The following ARHGAP12 variants were observed in gnomAD, a reference collection of about 807,000 sequenced individuals.
ARHGAP12 encodes Rho GTPase activating protein 12, also known as rho GTPase-activating protein 12.
A neutral mutation model predicts 108.6 loss-of-function variants in ARHGAP12; 64 were observed. The ratio of observed to expected loss-of-function variants is 0.59; its 90% CI spans 0.48 to 0.73. The LOEUF (loss-of-function observed/expected upper bound fraction) is 0.73, where lower values mean the gene tolerates loss of function less well. Among genes scored for constraint, ARHGAP12 ranks in the 30% least tolerant of loss-of-function variants. The probability of loss-of-function intolerance (pLI) is 0.00; values close to 1 mark genes in which losing one functional copy is unlikely to be tolerated. For synonymous variants in ARHGAP12, 312 were observed against 337.2 expected (o/e 0.93, Z 0.82); for missense variants, 940 against 1,005.9 (o/e 0.93, Z 0.89).
intron 1 of ARHGAP12, among the ~76,000 whole-genome samples, chr10:31,928,232 CCCG>C (rs1243508834): frequency 1.3e-5 from 2 of 151,786 alleles, no homozygotes; most frequent in African/African-American, 2.4e-5. Flanking sequence ...CGCGCACACA[CCCG>C]CCTTTTGCAC....
chr10:31,810,321 T>C (rs1350822848), intron 16 of ARHGAP12, among the ~76,000 whole-genome samples: 10 of 152,148 alleles, frequency 6.6e-5, no homozygotes. Flanking sequence ...TTATACATTG[T>C]CAAATTATTT....
At chr10:31,923,220 C>T (rs1839896440) in intron 1 of ARHGAP12, among the ~76,000 whole-genome samples, 1 of 150,386 alleles carries the variant, frequency 6.6e-6, no homozygotes, top group Non-Finnish European at 1.5e-5. Flanking sequence ...GAAAATATGC[C>T]CAACATCTTT....
chr10:31,837,702 T>A (rs1210222453), intron 9 of ARHGAP12, among the ~76,000 whole-genome samples: 6 of 152,134 alleles, frequency 3.9e-5, no homozygotes, highest in African/African-American at 1.4e-4. Flanking sequence ...CAGATTGCAC[T>A]AGGGAATGGA....
rs1392939692 is a variant in ARHGAP12 at position 31,861,550 on chromosome 10, T to C, written c.793A>G (p.Ile265Val). 14 of 1,614,034 alleles carry C rather than the reference T, an allele frequency of 8.7e-6. No individual in the cohort carries two copies. The highest frequency in any genetic ancestry group is 1.3e-5 in the African/African-American group (1 of 74,910). ...GTTTCCCATTCTCCATTAATCTGAA[T>C]TGCCGGGCTCCCAGGAAGTGGGGGA... ...ALPPLPGSPAIQINGEWETHK... is the reference protein window; with the variant it reads ...ALPPLPGSPAVQINGEWETHK... Residue 265 changes from isoleucine (I) to valine (V), a missense_variant, in exon 4 of 20, where the codon ATT becomes GTT. Physicochemically the swap from Ile to Val is conservative, Grantham distance 29. Coordinates refer to ENST00000344936, the MANE Select transcript of ARHGAP12 (RefSeq NM_018287.7).
chr10:31,816,112 T>C lies in ARHGAP12; in HGVS notation c.1731+1676A>G, dbSNP rs1192415113. Among the ~76,000 whole-genome samples, 5 of 150,830 alleles carry C rather than the reference T, an allele frequency of 3.3e-5. No individual in the cohort carries two copies. The East Asian group carries it at 7.9e-4, about 24-fold the overall frequency. On this transcript the variant is annotated intron_variant, in intron 13 of 19. Transcript: ENST00000344936. ...GTTGCCGTGAGCTAAGATCATGCCATTGCACTCCAGCCTGGGTAACAGAGC... is the reference window on the plus strand; with the variant it reads ...GTTGCCGTGAGCTAAGATCATGCCACTGCACTCCAGCCTGGGTAACAGAGC...
intron 9 of ARHGAP12, among the ~76,000 whole-genome samples, chr10:31,836,277 G>A (rs77686435): frequency 6.4e-4 from 98 of 151,990 alleles, no homozygotes; most frequent in African/African-American, 2.3e-3. Context: ...TCAGTAATTG[G>A]GAATTTTAAA....
chr10:31,921,368 G>A (rs967148409), intron 1 of ARHGAP12, among the ~76,000 whole-genome samples: 1 of 152,168 alleles, frequency 6.6e-6, no homozygotes, highest in Non-Finnish European at 1.5e-5. Flanking sequence ...CTGAAGTAGT[G>A]CTCAGACAAA....
intron 11 of ARHGAP12, among the ~76,000 whole-genome samples, chr10:31,824,224 A>T (rs1416554542): frequency 6.6e-6 from 1 of 152,202 alleles, no homozygotes; most frequent in African/African-American, 2.4e-5. Flanking sequence ...TTGACTGTAC[A>T]ACCAAGCATT....
chr10:31,884,324 C>CAA (rs34221433), intron 3 of ARHGAP12, among the ~76,000 whole-genome samples: 1 of 139,072 alleles, frequency 7.2e-6, no homozygotes, highest in African/African-American at 2.6e-5. Context: ...ATCTCCCCTC[C>CAA]AAAAAAAAAA....
intron 15 of ARHGAP12, among the ~76,000 whole-genome samples, chr10:31,811,326 A>G (rs887686975): frequency 2.0e-5 from 3 of 152,202 alleles, no homozygotes; most frequent in African/African-American, 7.2e-5. Context: ...TCCGTCCATC[A>G]CGTACCAACA....
intron 3 of ARHGAP12, among the ~76,000 whole-genome samples, chr10:31,905,092 T>C (rs1839073296): frequency 6.6e-6 from 1 of 152,048 alleles, no homozygotes. Flanking sequence ...GGCTCGAGAC[T>C]GGTTACAGAA....
chr10:31,844,490 T>C (rs1836378622), intron 6 of ARHGAP12, among the ~76,000 whole-genome samples: 1 of 152,112 alleles, frequency 6.6e-6, no homozygotes, highest in African/African-American at 2.4e-5. Flanking sequence ...ATTGATTTGT[T>C]TTCTTTTTAG....
chr10:31,844,557 G>A (rs1328769265), intron 6 of ARHGAP12, among the ~76,000 whole-genome samples: 1 of 152,054 alleles, frequency 6.6e-6, no homozygotes, highest in Non-Finnish European at 1.5e-5. Context: ...TGTTGAGACA[G>A]GGTCCCTCTC....
At chr10:31,824,495 T>G (rs1053440451) in intron 11 of ARHGAP12, among the ~76,000 whole-genome samples, 1 of 152,160 alleles carries the variant, frequency 6.6e-6, no homozygotes, top group Non-Finnish European at 1.5e-5. Flanking sequence ...TAATACAACC[T>G]TGGCTGATAA....
chr10:31,903,210 G>T (rs1297947164), intron 3 of ARHGAP12, among the ~76,000 whole-genome samples: 1 of 152,124 alleles, frequency 6.6e-6, no homozygotes, highest in Non-Finnish European at 1.5e-5. Flanking sequence ...AAGTTAGATG[G>T]TATAGCCTAT....
At chr10:31,870,891 G>A (rs545827774) in intron 3 of ARHGAP12, among the ~76,000 whole-genome samples, 2 of 152,250 alleles carry the variant, frequency 1.3e-5, no homozygotes, top group Admixed American at 1.3e-4. Context: ...TATTTTCATG[G>A]TTTACTTACT....
chr10:31,818,813 G>C (rs1282003697), intron 12 of ARHGAP12, among the ~76,000 whole-genome samples: 32 of 152,100 alleles, frequency 2.1e-4, no homozygotes, highest in Admixed American at 2.1e-3. Flanking sequence ...GGTGCACTGT[G>C]ATTTTCTAAG....
At chr10:31,903,181 T>C (rs1001364968) in intron 3 of ARHGAP12, among the ~76,000 whole-genome samples, 3 of 152,226 alleles carry the variant, frequency 2.0e-5, no homozygotes, top group African/African-American at 7.2e-5. Flanking sequence ...AACGAGATGG[T>C]ATAGCCTACT....
chr10:31,866,296 G>A (rs889354314), intron 3 of ARHGAP12, among the ~76,000 whole-genome samples: 39 of 152,214 alleles, frequency 2.6e-4, no homozygotes, highest in African/African-American at 8.9e-4. Flanking sequence ...AGTTTTTAAA[G>A]ACTTCAGCTA....
Sources: gnomAD v4.1 joint callset for allele counts (sites outside exome capture counted in the v4.1 genomes callset) on GRCh38, gnomAD v4.1.1 for gene constraint, MANE v1.5 for transcripts, NCBI Gene and HGNC (gene_info 2026-07-23, HGNC 2026-07-21) for gene names.